CACNA2D3: variants seen among roughly 807,000 people sequenced by gnomAD.
CACNA2D3 encodes calcium voltage-gated channel auxiliary subunit alpha2delta 3, also known as voltage-dependent calcium channel subunit alpha-2/delta-3.
Under a neutral mutation model 160.6 loss-of-function variants are expected in CACNA2D3, and 60 were observed. The observed-to-expected ratio is 0.37, with a 90% CI of 0.30 to 0.46. CACNA2D3 has a LOEUF of 0.46. Among genes scored for constraint, CACNA2D3 ranks in the 20% least tolerant of loss-of-function variants. The pLI is 1.00. For synonymous variants in CACNA2D3, 558 were observed against 492.9 expected, an observed-to-expected ratio of 1.13 and a Z score of -1.75; for missense variants, 1,205 against 1,365.0, an observed-to-expected ratio of 0.88 and a Z score of 1.85.
At chr3:54,404,515 C>A (rs1157821925) in intron 4 of CACNA2D3, among the ~76,000 whole-genome samples, 2 of 152,116 alleles carry the variant, frequency 1.3e-5, no homozygotes, top group Non-Finnish European at 2.9e-5. Flanking sequence ...GAAAAACCGA[C>A]AGCTGGCATC....
At chr3:54,454,967 A>C (rs534675224) in intron 4 of CACNA2D3, among the ~76,000 whole-genome samples, 1 of 152,164 alleles carries the variant, frequency 6.6e-6, no homozygotes. Flanking sequence ...ATGTGTATAC[A>C]TTCCACATTT....
At chr3:54,413,234 A>G (rs1352414479) in intron 4 of CACNA2D3, among the ~76,000 whole-genome samples, 2 of 151,326 alleles carry the variant, frequency 1.3e-5, no homozygotes, top group African/African-American at 4.8e-5. Context: ...TCTGATCTTT[A>G]GTGTTTCTGA....
rs10576329 is a variant in CACNA2D3 at position 55,038,864 on chromosome 3, CTATATATATATATATA to C, written c.2987+20576_2987+20591del. Among the ~76,000 whole-genome samples, 702 of 99,074 alleles carry C rather than the reference CTATATATATATATATA, an allele frequency of 7.1e-3. 12 individuals carry two copies. Among genetic ancestry groups the C allele is most frequent in the East Asian group, 0.071 (183 of 2,588 alleles). 65.0% of individuals were successfully genotyped at this position (99,074 alleles called of 152,430 possible). A position where few individuals can be genotyped will look rare whatever the true frequency, so the allele number is the denominator to read the frequency against. ...TAAGATAAGTGAAGTAGCCAGGATG[CTATATATATATATATA>C]TATATATATATATATATATATATAT... On this transcript the variant is annotated intron_variant, in intron 35 of 37. Transcript: ENST00000474759.
At chr3:54,927,606 C>G (rs1478295181) in intron 27 of CACNA2D3, among the ~76,000 whole-genome samples, 1 of 152,034 alleles carries the variant, frequency 6.6e-6, no homozygotes, top group Non-Finnish European at 1.5e-5. Context: ...TTTGGTTCCA[C>G]TTTTCCCCCC....
chr3:54,432,953 A>G (rs1700010558), intron 4 of CACNA2D3, among the ~76,000 whole-genome samples: 1 of 151,716 alleles, frequency 6.6e-6, no homozygotes. Context: ...GCGTGGGTCA[A>G]AAAAAAATTA....
chr3:54,810,870 G>A (rs781524681), intron 13 of CACNA2D3, among the ~76,000 whole-genome samples: 1 of 152,172 alleles, frequency 6.6e-6, no homozygotes, highest in Non-Finnish European at 1.5e-5. Context: ...ACAAAAACAT[G>A]TCCCTCTGCT....
At chr3:54,134,949 G>T (rs1206698178) in intron 2 of CACNA2D3, among the ~76,000 whole-genome samples, 1 of 152,250 alleles carries the variant, frequency 6.6e-6, no homozygotes, top group African/African-American at 2.4e-5. Flanking sequence ...GACTGATGGG[G>T]CCCTCGCAGC....
chr3:54,214,310 C>G (rs958096252), intron 2 of CACNA2D3, among the ~76,000 whole-genome samples: 2 of 152,156 alleles, frequency 1.3e-5, no homozygotes. Context: ...TTGTCAGTTA[C>G]AAGTACTTCC....
intron 4 of CACNA2D3, among the ~76,000 whole-genome samples, chr3:54,479,108 G>C (rs1415033069): frequency 1.3e-5 from 2 of 151,950 alleles, no homozygotes; most frequent in Non-Finnish European, 2.9e-5. Context: ...CCTCCATGCT[G>C]TTCTCTTGAT....
intron 2 of CACNA2D3, among the ~76,000 whole-genome samples, chr3:54,245,493 C>G (rs1702055676): frequency 6.6e-6 from 1 of 152,166 alleles, no homozygotes; most frequent in Admixed American, 6.5e-5. Flanking sequence ...AAGGCCAGGC[C>G]TGCTCTCCCA....
chr3:54,486,920 G>A (rs1209064433), intron 4 of CACNA2D3, among the ~76,000 whole-genome samples: 3 of 152,186 alleles, frequency 2.0e-5, no homozygotes, highest in Admixed American at 6.5e-5. Context: ...GCATTTGCCT[G>A]TTTCTCTACC....
chr3:54,501,126 A>T (rs1022641626), intron 4 of CACNA2D3, among the ~76,000 whole-genome samples: 7 of 152,192 alleles, frequency 4.6e-5, no homozygotes, highest in African/African-American at 1.4e-4. Context: ...AATCCCATTC[A>T]TGAGGGAGGA....
intron 11 of CACNA2D3, among the ~76,000 whole-genome samples, chr3:54,698,480 G>T (rs1465350020): frequency 6.6e-6 from 1 of 152,128 alleles, no homozygotes; most frequent in Admixed American, 6.6e-5. Flanking sequence ...AAAACATAAG[G>T]CGTGTTTAAT....
intron 3 of CACNA2D3, among the ~76,000 whole-genome samples, chr3:54,366,097 C>T (rs1399504436): frequency 6.6e-6 from 1 of 152,134 alleles, no homozygotes; most frequent in African/African-American, 2.4e-5. Context: ...TCTCTGAGCT[C>T]AGTACAGATT....
intron 35 of CACNA2D3, among the ~76,000 whole-genome samples, chr3:55,039,219 A>G (rs1480901472): frequency 6.6e-6 from 1 of 152,166 alleles, no homozygotes; most frequent in Non-Finnish European, 1.5e-5. Flanking sequence ...AGTGAGTCCC[A>G]TGCCAGGACT....
At chr3:54,975,376 A>G (rs1702364230) in intron 29 of CACNA2D3, among the ~76,000 whole-genome samples, 1 of 151,986 alleles carries the variant, frequency 6.6e-6, no homozygotes, top group Non-Finnish European at 1.5e-5. Flanking sequence ...AAAATTAGCT[A>G]GGCATTGGGG....
At chr3:54,664,359 CAGAA>C (rs1467545961) in intron 11 of CACNA2D3, among the ~76,000 whole-genome samples, 2 of 152,228 alleles carry the variant, frequency 1.3e-5, no homozygotes, top group Non-Finnish European at 2.9e-5. Flanking sequence ...TTTCTGAACT[CAGAA>C]AGCCATATCT....
intron 11 of CACNA2D3, among the ~76,000 whole-genome samples, chr3:54,729,367 A>G (rs772692080): frequency 2.6e-5 from 4 of 152,116 alleles, no homozygotes; most frequent in Non-Finnish European, 5.9e-5. Context: ...AGTTTATCCA[A>G]CCTTAATAGA....
intron 11 of CACNA2D3, among the ~76,000 whole-genome samples, chr3:54,663,722 C>T (rs1211278704): frequency 6.6e-6 from 1 of 152,186 alleles, no homozygotes; most frequent in Non-Finnish European, 1.5e-5. Flanking sequence ...TGAGATGCAC[C>T]AGCAGATGGG....
Sources: allele counts gnomAD v4.1 joint callset (sites outside exome capture counted in the v4.1 genomes callset), GRCh38; gene constraint gnomAD v4.1.1; transcripts MANE v1.5; gene names NCBI Gene and HGNC (gene_info 2026-07-23, HGNC 2026-07-21).